GPD2: variants seen among roughly 807,000 people sequenced by gnomAD.
The protein encoded by GPD2 is glycerol-3-phosphate dehydrogenase, mitochondrial.
In GPD2, 54 loss-of-function variants were observed where a neutral mutation model predicts 82.4. That is an observed-to-expected ratio of 0.66 (90% CI 0.53 to 0.82). The LOEUF (loss-of-function observed/expected upper bound fraction) is 0.82. Among genes scored for constraint, GPD2 ranks in the 40% least tolerant of loss-of-function variants. The probability of loss-of-function intolerance (pLI) is 0.00; values close to 1 mark genes in which losing one functional copy is unlikely to be tolerated. For missense variants in GPD2, 748 were observed against 896.2 expected (o/e 0.83, Z 2.11); for synonymous variants, 288 against 306.1 (o/e 0.94, Z 0.62).
At chr2:156,414,227 T>C in the GPD2 span, among the ~76,000 whole-genome samples, 1 of 152,252 alleles carries the variant, frequency 6.6e-6, no homozygotes, top group African/African-American at 2.4e-5. Context: ...CTTATTTCAA[T>C]ATTCTAAGTG....
At chr2:156,528,527 C>T (rs891713709) in intron 6 of GPD2, among the ~76,000 whole-genome samples, 23 of 150,456 alleles carry the variant, frequency 1.5e-4, no homozygotes, top group Admixed American at 2.0e-4. Flanking sequence ...CATGCTAGTG[C>T]GCTGCACCCA....
Position 156,583,283 on chromosome 2 carries a change from C to T in GPD2, c.*365C>T. 1 of 312,470 alleles carries T rather than the reference C, an allele frequency of 3.2e-6. No homozygotes were observed. Among genetic ancestry groups the T allele is most frequent in the Non-Finnish European group, 6.2e-6 (1 of 160,446 alleles). The allele number at this position is 312,470 out of a possible 1,614,324, so 19.4% of individuals were successfully genotyped here. On this transcript the variant is annotated 3_prime_UTR_variant, in exon 17 of 17. Coordinates refer to ENST00000438166, the MANE Select transcript of GPD2 (RefSeq NM_000408.5). ...GGCAAAAATTGAAAAAAGCTGGAGACATTTTGTGACATGCATACAGATAGC... is the reference window on the plus strand; with the variant it reads ...GGCAAAAATTGAAAAAAGCTGGAGATATTTTGTGACATGCATACAGATAGC...
In GPD2 at chr2:156,569,556, C is replaced by T. The variant is rs377624846; in HGVS notation, c.1476+18C>T. On this transcript the variant is annotated intron_variant, in intron 11 of 16. Coordinates refer to ENST00000438166, the MANE Select transcript of GPD2 (RefSeq NM_000408.5). The stretch of plus-strand genomic sequence containing the variant: ...AAAGCGAGGTGAGTGTGCATTGCCA[C>T]ATCATCTTACTCTTTACCTAATCTC... 3 of 1,581,616 alleles carry T rather than the reference C, an allele frequency of 1.9e-6. No homozygotes were observed. The highest frequency in any genetic ancestry group is 1.7e-5 in the Admixed American group (1 of 59,860).
chr2:156,475,030 T>C (rs1683457675), intron 1 of GPD2, among the ~76,000 whole-genome samples: 1 of 152,068 alleles, frequency 6.6e-6, no homozygotes, highest in African/African-American at 2.4e-5. Flanking sequence ...GAGAATCACT[T>C]GCCCAGGAGT....
At chr2:156,551,293 A>T (rs1356762725) in intron 8 of GPD2, among the ~76,000 whole-genome samples, 2 of 152,200 alleles carry the variant, frequency 1.3e-5, no homozygotes, top group Non-Finnish European at 2.9e-5. Context: ...AGGAGTAGAG[A>T]TAAAATAAGA....
chr2:156,488,592 C>T (rs1305750715), intron 2 of GPD2, among the ~76,000 whole-genome samples: 1 of 151,998 alleles, frequency 6.6e-6, no homozygotes, highest in Non-Finnish European at 1.5e-5. Flanking sequence ...TTTTTGGTCT[C>T]ACCCGAAGTT....
At chr2:156,405,309 G>A in the GPD2 span, among the ~76,000 whole-genome samples, 1 of 152,212 alleles carries the variant, frequency 6.6e-6, no homozygotes, top group Non-Finnish European at 1.5e-5. Flanking sequence ...TTTGAAGTAA[G>A]TAGGAAGAGG....
intron 6 of GPD2, among the ~76,000 whole-genome samples, chr2:156,537,510 G>C (rs941620901): frequency 2.0e-5 from 3 of 152,158 alleles, no homozygotes; most frequent in African/African-American, 7.2e-5. Flanking sequence ...ATAGTTGAAA[G>C]TAAAACTAAG....
At chr2:156,531,771 G>A (rs866023835) in intron 6 of GPD2, among the ~76,000 whole-genome samples, 1 of 152,028 alleles carries the variant, frequency 6.6e-6, no homozygotes, top group Non-Finnish European at 1.5e-5. Flanking sequence ...CAACACAATG[G>A]GGCCTTCAGC....
chr2:156,451,166 A>G lies in GPD2; in HGVS notation c.-9+14653A>G, dbSNP rs566625303. 2.0e-5 allele frequency among the ~76,000 whole-genome samples: 3 copies of G among 151,694 alleles called. No individual in the cohort carries two copies. In the East Asian group the frequency reaches 5.9e-4, roughly 30 times the overall value. On this transcript the variant is annotated intron_variant, in intron 1 of 16. Coordinates refer to ENST00000438166, the MANE Select transcript of GPD2 (RefSeq NM_000408.5). ...CCATTGTCATCATGGCCCGTTCTCAATGAGCTGCTGGGCACACCTCCCAGA... is the reference window on the plus strand; with the variant it reads ...CCATTGTCATCATGGCCCGTTCTCAGTGAGCTGCTGGGCACACCTCCCAGA...
chr2:156,556,158 A>C (rs1686954506), intron 8 of GPD2, among the ~76,000 whole-genome samples: 1 of 152,188 alleles, frequency 6.6e-6, no homozygotes, highest in Admixed American at 6.5e-5. Context: ...TAAGGGAATG[A>C]TGATAAAGAT....
chr2:156,476,170 T>G lies in GPD2; in HGVS notation c.65T>G (p.Leu22Ter). ...GGAGGAGGTGCTCTTGCAACTGTTTTAGGACTTTCTCAGTTTGCTCATTAC... is the reference window on the plus strand; with the variant it reads ...GGAGGAGGTGCTCTTGCAACTGTTTGAGGACTTTCTCAGTTTGCTCATTAC... ...LVGGGALATV[L>*]GLSQFAHYRR... is the part of the protein sequence containing the mutation. The change falls in exon 2 of 17, where the codon TTA becomes TGA. Residue 22 changes from leucine to a stop codon, truncating the protein, a stop_gained. Coordinates refer to ENST00000438166, the MANE Select transcript of GPD2 (RefSeq NM_000408.5). LOFTEE classifies it high-confidence loss of function. 6.2e-7 allele frequency: 1 copy of G among 1,609,232 alleles called. No individual in the cohort carries two copies. Among genetic ancestry groups the G allele is most frequent in the Non-Finnish European group, 8.5e-7 (1 of 1,175,560 alleles).
chr2:156,498,586 T>G, intron 3 of GPD2, among the ~76,000 whole-genome samples: 1 of 151,784 alleles, frequency 6.6e-6, no homozygotes. Context: ...GAGAGAAGAG[T>G]GGAAAGGCAG....
intron 3 of GPD2, among the ~76,000 whole-genome samples, chr2:156,503,962 A>C (rs2105257325): frequency 6.6e-6 from 1 of 152,258 alleles, no homozygotes; most frequent in Middle Eastern, 3.4e-3. Flanking sequence ...TATTCCTCAA[A>C]ATTGTGTTAT....
chr2:156,566,361 T>C (rs1190412020), intron 9 of GPD2, among the ~76,000 whole-genome samples: 1 of 152,086 alleles, frequency 6.6e-6, no homozygotes, highest in Non-Finnish European at 1.5e-5. Flanking sequence ...TCTGTAACCA[T>C]TCAATAGTAA....
At chr2:156,504,358 C>G (rs1417745869) in intron 3 of GPD2, among the ~76,000 whole-genome samples, 1 of 151,664 alleles carries the variant, frequency 6.6e-6, no homozygotes, top group Admixed American at 6.6e-5. Flanking sequence ...AAGTTAAGTG[C>G]CCAAAGCTTT....
intron 8 of GPD2, among the ~76,000 whole-genome samples, chr2:156,551,788 T>C (rs1385786424): frequency 6.6e-6 from 1 of 152,154 alleles, no homozygotes; most frequent in African/African-American, 2.4e-5. Context: ...GGACTTGATA[T>C]TTTATGTGCT....
intron 3 of GPD2, among the ~76,000 whole-genome samples, chr2:156,505,720 A>G (rs1684763136): frequency 1.3e-5 from 2 of 152,172 alleles, no homozygotes; most frequent in Admixed American, 1.3e-4. Flanking sequence ...TCCTGGGTGC[A>G]TTATTTTTTA....
intron 6 of GPD2, among the ~76,000 whole-genome samples, chr2:156,518,795 T>C (rs1685291150): frequency 6.6e-6 from 1 of 152,258 alleles, no homozygotes; most frequent in Non-Finnish European, 1.5e-5. Context: ...GGGTGTTACC[T>C]ACTTTAAATC....
Sources: gnomAD v4.1 joint callset for allele counts (sites outside exome capture counted in the v4.1 genomes callset) on GRCh38, gnomAD v4.1.1 for gene constraint, MANE v1.5 for transcripts, NCBI Gene and HGNC (gene_info 2026-07-23, HGNC 2026-07-21) for gene names.